AUTS2: variants seen among roughly 807,000 people sequenced by gnomAD.
The protein encoded by AUTS2 is autism susceptibility gene 2 protein.
AUTS2 carries 17 observed loss-of-function variants against 112.4 expected under a neutral mutation model. The observed-to-expected ratio is 0.15, with a 90% CI of 0.10 to 0.23. AUTS2 has a LOEUF of 0.23. Ranked by LOEUF, AUTS2 falls within the 10% of genes least tolerant of loss-of-function variation. The pLI is 1.00. For missense variants in AUTS2, 1,510 were observed against 1,701.6 expected, an observed-to-expected ratio of 0.89 and a Z score of 1.98; for synonymous variants, 751 against 702.7, an observed-to-expected ratio of 1.07 and a Z score of -1.09.
At chr7:69,874,191 A>C (rs1793625389) in intron 1 of AUTS2, among the ~76,000 whole-genome samples, 1 of 151,964 alleles carries the variant, frequency 6.6e-6, no homozygotes, top group Non-Finnish European at 1.5e-5. Context: ...CCAGGAGTTT[A>C]AGAGCAGCCT....
At chr7:69,717,474 G>T (rs1798672669) in intron 1 of AUTS2, among the ~76,000 whole-genome samples, 1 of 152,166 alleles carries the variant, frequency 6.6e-6, no homozygotes, top group Admixed American at 6.5e-5. Context: ...TCTAATCTGT[G>T]CAGGCACAGA....
intron 1 of AUTS2, among the ~76,000 whole-genome samples, chr7:69,759,821 C>T (rs968516835): frequency 5.8e-5 from 7 of 121,632 alleles, no homozygotes; most frequent in Non-Finnish European, 9.7e-5. Flanking sequence ...GATGGGCGAA[C>T]CTGGAAGCTG....
At chr7:70,606,366 G>A (rs182399190) in intron 5 of AUTS2, among the ~76,000 whole-genome samples, 1 of 143,176 alleles carries the variant, frequency 7.0e-6, no homozygotes, top group Non-Finnish European at 1.6e-5. Context: ...TATATTTGCA[G>A]CCCATCAATA....
At chr7:70,397,127 G>A (rs1466035582) in intron 4 of AUTS2, among the ~76,000 whole-genome samples, 1 of 151,004 alleles carries the variant, frequency 6.6e-6, no homozygotes, top group Admixed American at 6.6e-5. Context: ...TCAATGGCAC[G>A]ATCTCGGCTC....
intron 1 of AUTS2, among the ~76,000 whole-genome samples, chr7:69,807,950 T>TC (rs1362206978): frequency 6.6e-6 from 1 of 150,508 alleles, no homozygotes; most frequent in Non-Finnish European, 1.5e-5. Context: ...CTTTTTTTTT[T>TC]TTTTTTTTTT....
At chr7:69,892,244 C>G (rs1794561576) in intron 1 of AUTS2, among the ~76,000 whole-genome samples, 1 of 149,080 alleles carries the variant, frequency 6.7e-6, no homozygotes, top group Non-Finnish European at 1.5e-5. Flanking sequence ...GCAATCTCGG[C>G]TCACTGCAAC....
At position 70,780,196 on chromosome 7, in the gene AUTS2, A is replaced by G. The variant is rs142212681; in HGVS notation, c.2005-1419A>G. Reference sequence around the variant, plus strand: ...TCCAAGGCAGTGTGAAGCCAGTTCAAAGAGAAAGCTGTCAAGAAACAAGGA... The same window carrying G: ...TCCAAGGCAGTGTGAAGCCAGTTCAGAGAGAAAGCTGTCAAGAAACAAGGA... On this transcript the variant is annotated intron_variant, in intron 14 of 18. Coordinates refer to ENST00000342771, the MANE Select transcript of AUTS2 (RefSeq NM_015570.4). Among the ~76,000 whole-genome samples the G allele has an allele frequency of 4.9e-3, 751 of 152,208 alleles. 8 individuals are homozygous for G. The highest frequency in any genetic ancestry group is 0.012 in the South Asian group (56 of 4,814).
rs768557523 is a variant in AUTS2 at position 70,765,008 on chromosome 7, A to G, written c.1468+3A>G. 1 of 1,613,836 alleles carries G rather than the reference A, an allele frequency of 6.2e-7. No homozygotes were observed. Among genetic ancestry groups the G allele is most frequent in the Non-Finnish European group, 8.5e-7 (1 of 1,179,960 alleles). On this transcript the variant is annotated splice_donor_region_variant and intron_variant, in intron 8 of 18. Coordinates refer to ENST00000342771, the MANE Select transcript of AUTS2 (RefSeq NM_015570.4). ...CCCGGCCGGGAGCACTTACTCAGGT[A>G]GGACGGAGGGGCCTGTGCTCGTGAC... is the stretch of plus-strand genomic sequence containing the variant.
At chr7:69,719,185 G>C (rs955496994) in intron 1 of AUTS2, among the ~76,000 whole-genome samples, 2 of 152,126 alleles carry the variant, frequency 1.3e-5, no homozygotes, top group African/African-American at 2.4e-5. Context: ...ATTGGTTCTT[G>C]TTTTACTCTC....
intron 6 of AUTS2, among the ~76,000 whole-genome samples, chr7:70,714,118 T>G (rs946012138): frequency 3.9e-5 from 6 of 152,196 alleles, no homozygotes; most frequent in Non-Finnish European, 7.3e-5. Context: ...AGGTGTGAAA[T>G]GTATCTTTAC....
intron 5 of AUTS2, among the ~76,000 whole-genome samples, chr7:70,455,026 T>C (rs1357785802): frequency 6.6e-6 from 1 of 152,196 alleles, no homozygotes; most frequent in Non-Finnish European, 1.5e-5. Context: ...TTTGCTTCCC[T>C]TTCCCTTGTC....
intron 4 of AUTS2, among the ~76,000 whole-genome samples, chr7:70,345,993 C>A (rs1791479356): frequency 6.6e-6 from 1 of 152,168 alleles, no homozygotes; most frequent in East Asian, 1.9e-4. Context: ...ACCTGGCTGT[C>A]ATCTGGTATA....
At chr7:69,674,839 C>G (rs2129160600) in intron 1 of AUTS2, among the ~76,000 whole-genome samples, 1 of 152,198 alleles carries the variant, frequency 6.6e-6, no homozygotes, top group Non-Finnish European at 1.5e-5. Flanking sequence ...GCTGAATGCT[C>G]TGTGGTGAGG....
chr7:70,282,045 C>T (rs371497693), intron 4 of AUTS2, among the ~76,000 whole-genome samples: 66 of 152,140 alleles, frequency 4.3e-4, no homozygotes, highest in African/African-American at 1.5e-3. Flanking sequence ...ATTTTGAGTT[C>T]TTGGAGCAAT....
At chr7:69,936,709 A>G (rs1796428026) in intron 2 of AUTS2, among the ~76,000 whole-genome samples, 1 of 152,130 alleles carries the variant, frequency 6.6e-6, no homozygotes, top group African/African-American at 2.4e-5. Context: ...GATTTCTGGG[A>G]CACTTAAATA....
chr7:69,660,843 G>A (rs1038976480), intron 1 of AUTS2, among the ~76,000 whole-genome samples: 1 of 152,178 alleles, frequency 6.6e-6, no homozygotes, highest in African/African-American at 2.4e-5. Context: ...GCTTAGGCAG[G>A]GAATGGCATG....
At chr7:70,722,516 T>G (rs1196612194) in intron 6 of AUTS2, among the ~76,000 whole-genome samples, 1 of 152,218 alleles carries the variant, frequency 6.6e-6, no homozygotes, top group Admixed American at 6.5e-5. Context: ...CCTCTTTTCT[T>G]GTAGAGATTA....
intron 5 of AUTS2, among the ~76,000 whole-genome samples, chr7:70,561,644 T>G (rs1801491126): frequency 1.3e-5 from 2 of 152,094 alleles, no homozygotes; most frequent in South Asian, 4.1e-4. Context: ...TGTATTAGGC[T>G]GACTCCTAGG....
chr7:69,882,774 C>T (rs1794111334), intron 1 of AUTS2, among the ~76,000 whole-genome samples: 1 of 152,100 alleles, frequency 6.6e-6, no homozygotes, highest in Non-Finnish European at 1.5e-5. Flanking sequence ...AATAAAATAT[C>T]CAGTATGTTG....
Sources: gnomAD v4.1 joint callset for allele counts (sites outside exome capture counted in the v4.1 genomes callset) on GRCh38, gnomAD v4.1.1 for gene constraint, MANE v1.5 for transcripts, NCBI Gene and HGNC (gene_info 2026-07-23, HGNC 2026-07-21) for gene names.